The following SPAG16 variants were observed in gnomAD, a reference collection of about 807,000 sequenced individuals.
SPAG16 encodes sperm-associated antigen 16 protein.
In SPAG16, 86 loss-of-function variants were observed where a neutral mutation model predicts 80.4. The observed-to-expected ratio is 1.07, with a 90% CI of 0.90 to 1.28. The LOEUF is 1.28. Ranked by LOEUF, SPAG16 falls within the 50% of genes most tolerant of loss-of-function variation. The pLI is 0.00. For missense variants in SPAG16, 870 were observed against 765.3 expected (o/e 1.14, Z -1.61); for synonymous variants, 294 against 265.9 (o/e 1.11, Z -1.03).
At chr2:214,019,778 A>G (rs1034390620) in intron 13 of SPAG16, among the ~76,000 whole-genome samples, 5 of 152,084 alleles carry the variant, frequency 3.3e-5, no homozygotes, top group African/African-American at 1.2e-4. Context: ...TCCCTCAGCC[A>G]TATTTGATTT....
At chr2:213,715,090 A>G (rs1295484724) in intron 10 of SPAG16, among the ~76,000 whole-genome samples, 1 of 152,156 alleles carries the variant, frequency 6.6e-6, no homozygotes, top group South Asian at 2.1e-4. Flanking sequence ...TTCTTTGTAG[A>G]GACTGGTTTG....
chr2:214,389,460 G>C (rs1188986154), intron 15 of SPAG16, among the ~76,000 whole-genome samples: 1 of 151,690 alleles, frequency 6.6e-6, no homozygotes, highest in Non-Finnish European at 1.5e-5. Context: ...CTCCAAGCAT[G>C]AAAGCAGATA....
At chr2:214,300,574 T>A (rs1307249464) in intron 15 of SPAG16, among the ~76,000 whole-genome samples, 3 of 152,118 alleles carry the variant, frequency 2.0e-5, no homozygotes, top group African/African-American at 7.2e-5. Flanking sequence ...TGTCTATAGA[T>A]GACAAAAGTC....
rs143453156 is a variant in SPAG16 at position 213,534,193 on chromosome 2, G to T, written c.1070+44103G>T. ...TATAAGTCATTTTTTCTACAATGGT[G>T]TTAATCTTTGGGCTATCTTATATGT... On this transcript the variant is annotated intron_variant, in intron 10 of 15. Coordinates refer to ENST00000331683, the MANE Select transcript of SPAG16 (RefSeq NM_024532.5). Among the ~76,000 whole-genome samples, 27 of 152,094 alleles carry T rather than the reference G, an allele frequency of 1.8e-4. No individual in the cohort carries two copies. In the East Asian group the frequency reaches 4.4e-3, roughly 25 times the overall value.
intron 10 of SPAG16, among the ~76,000 whole-genome samples, chr2:213,513,632 C>A (rs987539120): frequency 1.3e-5 from 2 of 152,026 alleles, no homozygotes; most frequent in African/African-American, 4.8e-5. Context: ...TATGGCCAGC[C>A]CTGGGAGTGT....
At chr2:214,280,851 G>T in intron 15 of SPAG16, 1 of 430,254 alleles carries the variant, frequency 2.3e-6, no homozygotes, top group South Asian at 2.0e-5. Flanking sequence ...TATATATTGA[G>T]AGGATTGTTT....
chr2:213,653,281 T>TA (rs1236638038), intron 10 of SPAG16, among the ~76,000 whole-genome samples: 4 of 152,204 alleles, frequency 2.6e-5, no homozygotes, highest in African/African-American at 9.6e-5. Context: ...ATCCTAATAG[T>TA]AAAAAGGATG....
intron 9 of SPAG16, among the ~76,000 whole-genome samples, chr2:213,467,157 GCCTGCCTC>G (rs1293539820): frequency 0.015 from 2,275 of 152,290 alleles, 163 homozygotes; most frequent in Admixed American, 0.11. Context: ...GTTTGAGGAG[GCCTGCCTC>G]TTCAAGTTAT....
At chr2:213,346,088 G>T (rs1423442780) in intron 6 of SPAG16, among the ~76,000 whole-genome samples, 3 of 152,050 alleles carry the variant, frequency 2.0e-5, no homozygotes, top group Non-Finnish European at 4.4e-5. Flanking sequence ...CCTTGAAGAG[G>T]TCCTTCACAT....
At chr2:213,442,500 A>G (rs903095051) in intron 9 of SPAG16, among the ~76,000 whole-genome samples, 7 of 152,218 alleles carry the variant, frequency 4.6e-5, no homozygotes, top group Non-Finnish European at 8.8e-5. Context: ...AGACTGTGAC[A>G]CTACCTGACT....
At chr2:214,307,890 ATATC>A (rs916702921) in intron 15 of SPAG16, among the ~76,000 whole-genome samples, 175 of 152,308 alleles carry the variant, frequency 1.1e-3, no homozygotes, top group African/African-American at 4.1e-3. Flanking sequence ...AGTTATGTAG[ATATC>A]TATCAGGTAC....
intron 15 of SPAG16, among the ~76,000 whole-genome samples, chr2:214,405,094 G>A (rs1701922740): frequency 6.6e-6 from 1 of 152,034 alleles, no homozygotes; most frequent in Non-Finnish European, 1.5e-5. Flanking sequence ...AGGCCCCAAA[G>A]TGTGACACTT....
At chr2:213,469,581 T>TTTG (rs1455149010) in intron 9 of SPAG16, among the ~76,000 whole-genome samples, 1 of 146,954 alleles carries the variant, frequency 6.8e-6, no homozygotes, top group African/African-American at 2.5e-5. Context: ...TTTTTTTTTT[T>TTTG]TTTTTTTTTT....
chr2:214,057,859 G>C (rs1367912567), intron 13 of SPAG16, among the ~76,000 whole-genome samples: 1 of 151,930 alleles, frequency 6.6e-6, no homozygotes, highest in South Asian at 2.1e-4. Flanking sequence ...TTATGTTATG[G>C]AGATGGCTTC....
At chr2:213,708,278 A>T (rs1470124489) in intron 10 of SPAG16, among the ~76,000 whole-genome samples, 1 of 152,240 alleles carries the variant, frequency 6.6e-6, no homozygotes, top group Admixed American at 6.5e-5. Context: ...CCCTTCTAAC[A>T]TGCCACCTAA....
At chr2:213,440,219 G>C (rs757448276) in intron 9 of SPAG16, among the ~76,000 whole-genome samples, 2 of 152,042 alleles carry the variant, frequency 1.3e-5, no homozygotes, top group Non-Finnish European at 2.9e-5. Flanking sequence ...TTCTCTATCC[G>C]ATATCACTTA....
At chr2:214,072,413 A>T (rs1187995011) in intron 13 of SPAG16, among the ~76,000 whole-genome samples, 1 of 152,170 alleles carries the variant, frequency 6.6e-6, no homozygotes, top group East Asian at 1.9e-4. Context: ...TATTAAACAT[A>T]TAACATCATA....
intron 15 of SPAG16, among the ~76,000 whole-genome samples, chr2:214,188,101 T>C (rs2057538444): frequency 6.6e-6 from 1 of 152,116 alleles, no homozygotes; most frequent in East Asian, 1.9e-4. Flanking sequence ...TCCCTTTCTT[T>C]GCATATCCAC....
intron 10 of SPAG16, among the ~76,000 whole-genome samples, chr2:213,768,466 T>G (rs1358827061): frequency 6.6e-6 from 1 of 152,176 alleles, no homozygotes; most frequent in East Asian, 1.9e-4. Context: ...ACTAGTAGAC[T>G]TCACAAGACA....
Sources: allele counts gnomAD v4.1 joint callset (sites outside exome capture counted in the v4.1 genomes callset), GRCh38; gene constraint gnomAD v4.1.1; transcripts MANE v1.5; gene names NCBI Gene and HGNC (gene_info 2026-07-23, HGNC 2026-07-21).